The following CLSTN2 variants were observed in gnomAD, a reference collection of about 807,000 sequenced individuals.
CLSTN2 encodes calsyntenin-2.
In CLSTN2, 48 loss-of-function variants were observed where a neutral mutation model predicts 101.2. The observed-to-expected ratio is 0.47, with a 90% CI of 0.38 to 0.60. The LOEUF is 0.60. CLSTN2 is among the 20% of genes least tolerant of loss of function. The pLI, the probability that CLSTN2 is intolerant of heterozygous loss-of-function variation, is 0.00. For synonymous variants in CLSTN2, 481 were observed against 463.6 expected, an observed-to-expected ratio of 1.04 and a Z score of -0.48; for missense variants, 1,160 against 1,238.2, an observed-to-expected ratio of 0.94 and a Z score of 0.95.
intron 2 of CLSTN2, among the ~76,000 whole-genome samples, chr3:140,208,982 T>C (rs1268828981): frequency 2.0e-5 from 3 of 152,200 alleles, no homozygotes; most frequent in African/African-American, 7.2e-5. Flanking sequence ...ACAGTGTATA[T>C]AGAAAGTGGC....
chr3:140,080,182 T>C (rs932936720), intron 1 of CLSTN2, among the ~76,000 whole-genome samples: 5 of 152,298 alleles, frequency 3.3e-5, no homozygotes, highest in South Asian at 2.1e-4. Flanking sequence ...AAACCAACAT[T>C]GAACCTCCTT....
At chr3:140,068,675 A>G (rs546549088) in intron 1 of CLSTN2, among the ~76,000 whole-genome samples, 2 of 152,352 alleles carry the variant, frequency 1.3e-5, no homozygotes, top group East Asian at 1.9e-4. Context: ...TCAGTTTCTG[A>G]TGGAGTGGAC....
At chr3:139,988,950 C>A (rs1007788998) in intron 1 of CLSTN2, among the ~76,000 whole-genome samples, 2 of 152,168 alleles carry the variant, frequency 1.3e-5, no homozygotes, top group Non-Finnish European at 2.9e-5. Flanking sequence ...AATGTGTCAT[C>A]TCATGTGTGT....
At chr3:140,245,894 G>A (rs577431411) in intron 2 of CLSTN2, among the ~76,000 whole-genome samples, 1 of 152,254 alleles carries the variant, frequency 6.6e-6, no homozygotes, top group Admixed American at 6.5e-5. Flanking sequence ...TGTGGCCCAT[G>A]CTCTAGCCTG....
intron 4 of CLSTN2, among the ~76,000 whole-genome samples, chr3:140,408,493 C>T (rs2088329545): frequency 6.6e-6 from 1 of 152,158 alleles, no homozygotes; most frequent in African/African-American, 2.4e-5. Flanking sequence ...AACCACAAAC[C>T]CCTGACTGGC....
Position 139,935,987 on chromosome 3 carries a change from G to C in CLSTN2, c.109+504G>C, listed in dbSNP as rs1935012895. Among the ~76,000 whole-genome samples the C allele has an allele frequency of 6.6e-6, 1 of 151,958 alleles. No homozygotes were observed. The highest frequency in any genetic ancestry group is 6.5e-5 in the Admixed American group (1 of 15,272). On this transcript the variant is annotated intron_variant, in intron 1 of 16. Transcript: ENST00000458420. The surrounding 1 kb of genome is among the most constrained non-coding windows in gnomAD (Gnocchi z 5.5). ...CGCTGACACTCCTCAAGCTCCCCCA[G>C]GGCGTCTCTGACTCCCCGGGGAACG...
chr3:140,343,550 CAGAG>C (rs752290724), intron 2 of CLSTN2, among the ~76,000 whole-genome samples: 143 of 152,312 alleles, frequency 9.4e-4, no homozygotes, highest in Non-Finnish European at 8.7e-4. Flanking sequence ...AGTGCATAAA[CAGAG>C]AGCTTAATAA....
intron 1 of CLSTN2, among the ~76,000 whole-genome samples, chr3:140,120,009 C>T (rs1309135758): frequency 6.6e-6 from 1 of 152,186 alleles, no homozygotes; most frequent in Non-Finnish European, 1.5e-5. Flanking sequence ...ATCACCAACA[C>T]AGAGGAAGAC....
chr3:140,027,743 C>A (rs1415990248), intron 1 of CLSTN2, among the ~76,000 whole-genome samples: 1 of 152,180 alleles, frequency 6.6e-6, no homozygotes, highest in African/African-American at 2.4e-5. Context: ...GAAGCCGCCA[C>A]AGCTGATGCT....
At chr3:140,008,301 C>T (rs1216875572) in intron 1 of CLSTN2, among the ~76,000 whole-genome samples, 4 of 152,242 alleles carry the variant, frequency 2.6e-5, no homozygotes, top group Non-Finnish European at 5.9e-5. Context: ...ATGCTTCTGG[C>T]ATCATTGCCC....
chr3:140,163,465 T>C (rs1024721562), intron 1 of CLSTN2, among the ~76,000 whole-genome samples: 1 of 147,186 alleles, frequency 6.8e-6, no homozygotes, highest in African/African-American at 2.7e-5. Context: ...TAGAGCTAGA[T>C]AGATATAGAT....
At chr3:140,505,890 G>A (rs1397996922) in intron 8 of CLSTN2, 2 of 152,154 alleles carry the variant, frequency 1.3e-5, no homozygotes, top group Non-Finnish European at 2.9e-5. Context: ...TTAATACACT[G>A]GAGTCCTCTT....
intron 2 of CLSTN2, among the ~76,000 whole-genome samples, chr3:140,389,927 G>T (rs1180652064): frequency 6.6e-6 from 1 of 151,904 alleles, no homozygotes; most frequent in Non-Finnish European, 1.5e-5. Context: ...GACAGATTTT[G>T]GTATTAGGGT....
At chr3:140,086,666 G>T (rs935000783) in intron 1 of CLSTN2, among the ~76,000 whole-genome samples, 1 of 152,144 alleles carries the variant, frequency 6.6e-6, no homozygotes, top group African/African-American at 2.4e-5. Context: ...TTTTCTAAGT[G>T]CTCATAAACC....
intron 2 of CLSTN2, among the ~76,000 whole-genome samples, chr3:140,361,261 G>T (rs2087727430): frequency 6.6e-6 from 1 of 152,094 alleles, no homozygotes; most frequent in Non-Finnish European, 1.5e-5. Context: ...CAAAATCACA[G>T]TCATCTCAAT....
chr3:140,344,936 G>A (rs948005008), intron 2 of CLSTN2, among the ~76,000 whole-genome samples: 4 of 152,170 alleles, frequency 2.6e-5, no homozygotes, highest in Non-Finnish European at 5.9e-5. Context: ...AGCACAGAAA[G>A]AAATGGGGCT....
At chr3:139,988,045 C>G (rs970894826) in intron 1 of CLSTN2, among the ~76,000 whole-genome samples, 1 of 152,182 alleles carries the variant, frequency 6.6e-6, no homozygotes, top group South Asian at 2.1e-4. Context: ...AGATATCTTC[C>G]AGCTTTTAGC....
In CLSTN2 at chr3:140,082,763, A is replaced by G. The variant is rs562692577; in HGVS notation, c.110-93188A>G. The stretch of plus-strand genomic sequence containing the variant: ...CCATGAAGCCCCCATGATCCACCAT[A>G]GTTTCCTATGGGACTGTGTTAGGTT... On this transcript the variant is annotated intron_variant, in intron 1 of 16. Coordinates refer to ENST00000458420, the MANE Select transcript of CLSTN2 (RefSeq NM_022131.3). Among the ~76,000 whole-genome samples, 3 of 152,318 alleles carry G rather than the reference A, an allele frequency of 2.0e-5. No homozygotes were observed. In the East Asian group the frequency reaches 5.8e-4, roughly 29 times the overall value.
intron 2 of CLSTN2, among the ~76,000 whole-genome samples, chr3:140,335,400 G>A (rs1335483193): frequency 1.3e-5 from 2 of 151,996 alleles, no homozygotes; most frequent in Non-Finnish European, 2.9e-5. Flanking sequence ...CAGCAGGTAG[G>A]GAAGTTATTG....
Sources: gnomAD v4.1 joint callset for allele counts (sites outside exome capture counted in the v4.1 genomes callset) on GRCh38, gnomAD v4.1.1 for gene constraint, Gnocchi (gnomAD v3.1) non-coding constraint, MANE v1.5 for transcripts, NCBI Gene and HGNC (gene_info 2026-07-23, HGNC 2026-07-21) for gene names.